Variants in LMX1A observed in about 807,000 individuals in gnomAD.
LMX1A encodes LIM homeobox transcription factor 1-alpha.
A neutral mutation model predicts 49.1 loss-of-function variants in LMX1A; 15 were observed. That is an observed-to-expected ratio of 0.31 (90% confidence interval 0.20 to 0.47). LMX1A has a LOEUF of 0.47. Ranked by LOEUF, LMX1A falls within the 20% of genes least tolerant of loss-of-function variation. The pLI is 1.00. For missense variants in LMX1A, 372 were observed against 475.8 expected, an observed-to-expected ratio of 0.78 and a Z score of 2.03; for synonymous variants, 167 against 185.7, an observed-to-expected ratio of 0.90 and a Z score of 0.82.
chr1:165,266,937 CTCTT>C (rs1653645309), intron 3 of LMX1A, among the ~76,000 whole-genome samples: 1 of 152,012 alleles, frequency 6.6e-6, no homozygotes, highest in South Asian at 2.1e-4. Context: ...CTCTCTCTCT[CTCTT>C]TCTTTCTCTC....
chr1:165,312,165 T>A (rs1189026208), intron 3 of LMX1A, among the ~76,000 whole-genome samples: 1 of 152,224 alleles, frequency 6.6e-6, no homozygotes, highest in Non-Finnish European at 1.5e-5. Flanking sequence ...CTTATTATTA[T>A]TCTAATGGGC....
In LMX1A at chr1:165,203,763, A is replaced by G. The variant is rs1650946231; in HGVS notation, c.*117T>C. ...ATATCATTATACAACAGCATCCCCA[A>G]CAAAACTCCCTCCCCAACCCACCTC... On this transcript the variant is annotated 3_prime_UTR_variant, in exon 9 of 9. Transcript: ENST00000342310. 2.3e-6 allele frequency: 2 copies of G among 858,034 alleles called. No individual in the cohort carries two copies. The highest frequency in any genetic ancestry group is 3.7e-6 in the Non-Finnish European group (2 of 535,216). 53.2% of individuals were successfully genotyped at this position (858,034 alleles called of 1,614,324 possible).
chr1:165,264,439 C>T (rs1408430418), intron 3 of LMX1A, among the ~76,000 whole-genome samples: 1 of 151,370 alleles, frequency 6.6e-6, no homozygotes, highest in Non-Finnish European at 1.5e-5. Context: ...CACACACATA[C>T]ATGCTGCCTT....
At chr1:165,208,503 G>C (rs1255859969) in intron 6 of LMX1A, among the ~76,000 whole-genome samples, 1 of 152,204 alleles carries the variant, frequency 6.6e-6, no homozygotes, top group Non-Finnish European at 1.5e-5. Context: ...AAGAGGTTGT[G>C]ATTTGGGGTA....
In LMX1A at chr1:165,274,480, GT is replaced by G. The variant is rs528852796; in HGVS notation, c.264-24841del. 2.1e-3 allele frequency among the ~76,000 whole-genome samples: 323 copies of G among 152,286 alleles called. 4 individuals carry two copies. The highest frequency in any genetic ancestry group is 6.9e-4 in the Non-Finnish European group (47 of 68,032). ...TTGGATTGAATTGAACTAATTTGGG[GT>G]TTCGGTTTTGGGGCATAGAAGCAAG... On this transcript the variant is annotated intron_variant, in intron 3 of 8. Transcript: ENST00000342310.
chr1:165,229,183 T>C (rs1652154530), intron 4 of LMX1A, among the ~76,000 whole-genome samples: 3 of 151,350 alleles, frequency 2.0e-5, no homozygotes, highest in Admixed American at 2.0e-4. Flanking sequence ...ACATCAACTG[T>C]GAATCAGATC....
At chr1:165,352,260 T>C (rs888612992) in intron 3 of LMX1A, among the ~76,000 whole-genome samples, 3 of 152,216 alleles carry the variant, frequency 2.0e-5, no homozygotes, top group Non-Finnish European at 4.4e-5. Context: ...ATATCCACTT[T>C]CTTAAATTCC....
chr1:165,220,086 C>T (rs990368814), intron 4 of LMX1A, among the ~76,000 whole-genome samples: 10 of 152,124 alleles, frequency 6.6e-5, no homozygotes, highest in African/African-American at 1.9e-4. Context: ...GGAATGGAGG[C>T]TTCTCAAATA....
intron 6 of LMX1A, 98 bp from the exon 7 acceptor site, chr1:165,208,230 G>T: frequency 2.8e-6 from 3 of 1,084,900 alleles, no homozygotes; most frequent in South Asian, 1.4e-5. Flanking sequence ...CCGGGAGAGG[G>T]CTTGTTGGCA....
At chr1:165,273,664 C>T (rs145327669) in intron 3 of LMX1A, among the ~76,000 whole-genome samples, 18 of 152,280 alleles carry the variant, frequency 1.2e-4, no homozygotes, top group Non-Finnish European at 7.4e-5. Context: ...ATTTATGAAG[C>T]GTCCACTGTA....
chr1:165,352,834 T>C (rs1656472757), intron 3 of LMX1A, among the ~76,000 whole-genome samples: 1 of 152,218 alleles, frequency 6.6e-6, no homozygotes, highest in Non-Finnish European at 1.5e-5. Flanking sequence ...GAGCAGACCG[T>C]GGAGGACAGC....
Position 165,208,058 on chromosome 1 carries a change from C to T in LMX1A, c.817+5G>A. 1.2e-6 allele frequency: 2 copies of T among 1,613,534 alleles called. No individual in the cohort carries two copies. Among genetic ancestry groups the T allele is most frequent in the Non-Finnish European group, 1.7e-6 (2 of 1,179,830 alleles). Reference sequence around the variant, plus strand: ...AGAACTGCCTGGGAGGAGGCACCAGCTTACCAGAGCTCAGCCTCTGGGTGT... The same window carrying T: ...AGAACTGCCTGGGAGGAGGCACCAGTTTACCAGAGCTCAGCCTCTGGGTGT... On this transcript the variant is annotated splice_donor_5th_base_variant and intron_variant, in intron 7 of 8. Transcript: ENST00000342310.
chr1:165,245,686 A>G (rs1160297030), intron 4 of LMX1A, among the ~76,000 whole-genome samples: 1 of 151,912 alleles, frequency 6.6e-6, no homozygotes, highest in Non-Finnish European at 1.5e-5. Context: ...CTGTAGTTCT[A>G]TTAATGCAGC....
At chr1:165,301,317 G>T (rs1331831504) in intron 3 of LMX1A, among the ~76,000 whole-genome samples, 1 of 152,108 alleles carries the variant, frequency 6.6e-6, no homozygotes, top group East Asian at 1.9e-4. Flanking sequence ...CCCCATCGCT[G>T]CACAACGTTT....
chr1:165,281,288 C>T (rs1452278276), intron 3 of LMX1A, among the ~76,000 whole-genome samples: 5 of 152,206 alleles, frequency 3.3e-5, no homozygotes, highest in Non-Finnish European at 7.3e-5. Flanking sequence ...CTACATGTGG[C>T]CACCTTAAAT....
intron 4 of LMX1A, among the ~76,000 whole-genome samples, chr1:165,225,252 T>C (rs1330869957): frequency 6.6e-6 from 1 of 152,212 alleles, no homozygotes; most frequent in African/African-American, 2.4e-5. Flanking sequence ...GACCTTCCCA[T>C]AGCCATGCTT....
chr1:165,345,094 A>G (rs1284462978), intron 3 of LMX1A, among the ~76,000 whole-genome samples: 3 of 152,260 alleles, frequency 2.0e-5, no homozygotes. Context: ...TTGGGGGGAT[A>G]GTCCCCAGGA....
chr1:165,209,857 C>T (rs2102598806), intron 6 of LMX1A, among the ~76,000 whole-genome samples: 1 of 152,286 alleles, frequency 6.6e-6, no homozygotes, highest in African/African-American at 2.4e-5. Context: ...GTAAAACCAC[C>T]TGGAGCTTGC....
intron 4 of LMX1A, among the ~76,000 whole-genome samples, chr1:165,229,585 G>C (rs1056404029): frequency 1.3e-5 from 2 of 152,238 alleles, no homozygotes; most frequent in Non-Finnish European, 2.9e-5. Flanking sequence ...AAATGAGGGA[G>C]TTGTGATAAA....
Sources: gnomAD v4.1 joint callset for allele counts (sites outside exome capture counted in the v4.1 genomes callset) on GRCh38, gnomAD v4.1.1 for gene constraint, MANE v1.5 for transcripts, NCBI Gene and HGNC (gene_info 2026-07-23, HGNC 2026-07-21) for gene names.